Variants in PKD1 observed in about 807,000 individuals in gnomAD.
PKD1 encodes the protein polycystin 1, transient receptor potential channel interacting, also known as polycystin-1.
A neutral mutation model predicts 361.7 loss-of-function variants in PKD1; 81 were observed. The observed-to-expected ratio is 0.22, with a 90% CI of 0.19 to 0.27. The LOEUF (loss-of-function observed/expected upper bound fraction) is 0.27. Ranked by LOEUF, PKD1 falls within the 10% of genes least tolerant of loss-of-function variation. PKD1 has a pLI of 1.00. For missense variants in PKD1, 6,399 were observed against 6,118.3 expected, an observed-to-expected ratio of 1.05 and a Z score of -1.53; for synonymous variants, 3,615 against 2,818.3, an observed-to-expected ratio of 1.28 and a Z score of -8.95.
rs763834774 is a variant in PKD1, at chr16:2,118,022, G to A, written c.970C>T (p.Arg324Cys). The part of the protein sequence containing the change: ...VDAAGPAASH[R>C]YVLPGRYHVT... Reference sequence around the variant, plus strand: ...TGATAGCGCCCAGGCAGCACATAGCGATGCGAGGCAGCCGGCCCAGCGGCA... The same window carrying A: ...TGATAGCGCCCAGGCAGCACATAGCAATGCGAGGCAGCCGGCCCAGCGGCA... Residue 324 changes from arginine to cysteine, a missense_variant, in exon 5 of 46, where the codon CGC becomes TGC. Physicochemically the swap from Arg to Cys is radical, Grantham distance 180 (BLOSUM62 -3). Transcript: ENST00000262304. The surrounding 1 kb of genome is among the most constrained non-coding windows in gnomAD (Gnocchi z 6.0). The A allele has an allele frequency of 1.6e-5, 25 of 1,596,514 alleles. No homozygotes were observed. The highest frequency in any genetic ancestry group is 4.4e-5 in the South Asian group (4 of 90,736).
rs1010371265 is a variant in PKD1 at position 2,105,723 on chromosome 16, G to A, written c.7863+142C>T. On this transcript the variant is annotated intron_variant, in intron 20 of 45. Transcript: ENST00000262304. ...GTGGGTGTGGCTGCTGGGAGCGGAA[G>A]GTCGGGGTGCTGCTTCAGGGTCACT... is the stretch of plus-strand genomic sequence containing the variant. The A allele has an allele frequency of 1.2e-4, 159 of 1,286,590 alleles. 1 individual carries two copies. The highest frequency in any genetic ancestry group is 1.6e-4 in the Non-Finnish European group (148 of 919,952). The allele number at this position is 1,286,590 out of a possible 1,614,324, so 79.7% of individuals were successfully genotyped here.
At position 2,090,437 on chromosome 16, in the gene PKD1, C is replaced by T. The variant is rs1346816281; in HGVS notation, c.12292G>A (p.Ala4098Thr). Residue 4098 changes from alanine (A) to threonine (T), a missense_variant, in exon 45 of 46, where the codon GCC becomes ACC. Transcript: ENST00000262304. ...VGLWALRLWG[A>T]LRLGAVILRW... Reference sequence around the variant, plus strand: ...AGAATAACAGCCCCCAGCCGTAGGGCGCCCCACAGCCGCAGTGCCCAGAGC... The same window carrying T: ...AGAATAACAGCCCCCAGCCGTAGGGTGCCCCACAGCCGCAGTGCCCAGAGC... 65 of 1,612,396 alleles carry T rather than the reference C, an allele frequency of 4.0e-5. No individual in the cohort carries two copies. The highest frequency in any genetic ancestry group is 5.3e-5 in the Non-Finnish European group (63 of 1,179,872).
intron 24 of PKD1, 61 bp downstream of exon 24, chr16:2,102,753 C>G: frequency 3.1e-6 from 5 of 1,605,294 alleles, no homozygotes; most frequent in Non-Finnish European, 3.4e-6. Flanking sequence ...GGCCAGTAAC[C>G]CAGGCAATGC....
chr16:2,100,066 C>T lies in PKD1; in HGVS notation c.9718G>A (p.Ala3240Thr), dbSNP rs143312683. ...VEKEVLAASD[A>T]ALLRFRRLLV... Reference sequence around the variant, plus strand: ...AGGCGCCGGAAGCGCAAAAGGGCTGCGTCGCCTAGAAGGCAGGGAGGGCCG... The same window carrying T: ...AGGCGCCGGAAGCGCAAAAGGGCTGTGTCGCCTAGAAGGCAGGGAGGGCCG... Residue 3240 changes from alanine to threonine, a missense_variant, in exon 29 of 46, where the codon GCA becomes ACA. Coordinates refer to ENST00000262304, the MANE Select transcript of PKD1 (RefSeq NM_001009944.3). This position sits in a 1 kb window ranked among gnomAD's most constrained non-coding sequence, Gnocchi z 4.4. 5.1e-4 allele frequency: 815 copies of T among 1,599,862 alleles called. No homozygotes were observed. Among genetic ancestry groups the T allele is most frequent in the Non-Finnish European group, 6.3e-4 (740 of 1,174,730 alleles).
rs745724198 is a variant in PKD1, at chr16:2,094,074, G to C, written c.10618+18C>G. ...CACAGGGAGGGGCTAGGGGCATCCC[G>C]GGGCTACGCAAGCACACCTGTCCTG... On this transcript the variant is annotated intron_variant, in intron 35 of 45. Transcript: ENST00000262304. 4 of 1,583,322 alleles carry C rather than the reference G, an allele frequency of 2.5e-6. No individual in the cohort carries two copies. Among genetic ancestry groups the C allele is most frequent in the Non-Finnish European group, 1.7e-6 (2 of 1,160,992 alleles).
At chr16:2,097,534 G>A (rs1174858763) in intron 32 of PKD1, 31 bp from the exon 33 acceptor site, 23 of 1,602,446 alleles carry the variant, frequency 1.4e-5, no homozygotes, top group African/African-American at 2.7e-5. Context: ...CAAGGTACCA[G>A]GGGATGTGTC....
At position 2,092,471 on chromosome 16, in the gene PKD1, C is replaced by T. The variant is rs753562221; in HGVS notation, c.11269+9G>A. 3 of 1,570,288 alleles carry T rather than the reference C, an allele frequency of 1.9e-6. No individual in the cohort carries two copies. In the African/African-American group the frequency reaches 4.0e-5, roughly 21 times the overall value. ...GATTTAAGTCTTGGGGCACGCCCTG[C>T]CAGCTCACCTTCCTGCAGCCGCACC... On this transcript the variant is annotated intron_variant, in intron 39 of 45. Transcript: ENST00000262304.
chr16:2,109,909 G>A lies in PKD1; in HGVS notation c.5258C>T (p.Ser1753Phe), dbSNP rs773466574. ...CTCCCAGCTCAGCCCCTCCTCCAAG[G>A]ACCAAGTGTATACGACACCACTGCC... is the stretch of plus-strand genomic sequence containing the variant. ...AGGSGVVYTW[S>F]LEEGLSWETS... The change falls in exon 15 of 46, where the codon TCC becomes TTC. Residue 1753 changes from serine (S) to phenylalanine (F), a missense_variant. By Grantham distance (155) the Ser-to-Phe change is radical. Transcript: ENST00000262304. 4 of 1,610,414 alleles carry A rather than the reference G, an allele frequency of 2.5e-6. No individual in the cohort carries two copies. The highest frequency in any genetic ancestry group is 2.2e-5 in the South Asian group (2 of 90,984).
chr16:2,113,849 C>T (rs1308648300), intron 11 of PKD1: 2 of 464,926 alleles, frequency 4.3e-6, no homozygotes, highest in Non-Finnish European at 7.9e-6. Context: ...AAGCCACTCG[C>T]TTTAGCCAGG....
In PKD1 at chr16:2,109,119, G is replaced by C. The variant is rs767363184; in HGVS notation, c.6048C>G (p.Asp2016Glu). 66 of 1,602,858 alleles carry C rather than the reference G, an allele frequency of 4.1e-5. No individual in the cohort carries two copies. The Middle Eastern group carries it at 1.1e-3, about 26-fold the overall frequency. ...WYFSLQKVQG[D>E]SLVILSGRDV... ...CGCGGCCCGACAGGATGACCAGCGAGTCGCCCTGGACCTTCTGCAGCGAGA... is the reference window on the plus strand; with the variant it reads ...CGCGGCCCGACAGGATGACCAGCGACTCGCCCTGGACCTTCTGCAGCGAGA... The change falls in exon 15 of 46, where the codon GAC becomes GAG. Residue 2016 changes from aspartate (D) to glutamate (E), a missense_variant. Transcript: ENST00000262304.
intron 13 of PKD1, 33 bp from the exon 14 acceptor site, chr16:2,112,506 G>A (rs759273611): frequency 3.3e-5 from 52 of 1,578,446 alleles, no homozygotes; most frequent in Non-Finnish European, 3.8e-5. Context: ...TGAGTGAACC[G>A]GGACAGGGGT....
intron 1 of PKD1, among the ~76,000 whole-genome samples, chr16:2,120,916 C>T (rs1411767453): frequency 6.6e-6 from 1 of 151,932 alleles, no homozygotes; most frequent in Non-Finnish European, 1.5e-5. Context: ...ACTCAGGAGG[C>T]TGAGGCAGGA....
intron 14 of PKD1, 154 bp downstream of exon 14, chr16:2,112,186 C>G: frequency 1.3e-6 from 1 of 750,058 alleles, no homozygotes; most frequent in South Asian, 1.5e-5. Flanking sequence ...CGCCTGGCCC[C>G]TCCCTCACCC....
At chr16:2,130,635 GCCC>G (rs953618611) in intron 1 of PKD1, among the ~76,000 whole-genome samples, 8 of 152,318 alleles carry the variant, frequency 5.3e-5, no homozygotes, top group African/African-American at 1.7e-4. Flanking sequence ...GGCCTGGCCA[GCCC>G]CCCAAGGAAG....
chr16:2,134,284 A>G (rs2151856063), intron 1 of PKD1, among the ~76,000 whole-genome samples: 1 of 120,922 alleles, frequency 8.3e-6, no homozygotes, highest in Non-Finnish European at 1.7e-5. Context: ...CCACCCAGCA[A>G]AGCCCCAAGG....
rs772143717 is a variant in PKD1 at position 2,110,145 on chromosome 16, C to T, written c.5022G>A (p.Pro1674=). 16 of 1,609,730 alleles carry T rather than the reference C, an allele frequency of 9.9e-6. No individual in the cohort carries two copies. In the African/African-American group the frequency reaches 1.1e-4, roughly 11 times the overall value. Residue 1674 remains proline (P), a synonymous_variant, in exon 15 of 46, where the codon CCG becomes CCA. Coordinates refer to ENST00000262304, the MANE Select transcript of PKD1 (RefSeq NM_001009944.3). ...AGCCTTTGCCGCTGCCGGCCAGGGC[C>T]GGGCCCCTGTCCCTCCAGGCAGTCC... ...YSWTAWRDRG[P]ALAGSGKGFS...
In PKD1 at chr16:2,100,238, G is replaced by A. The variant is rs12102740; in HGVS notation, c.9640C>T (p.Leu3214=). Residue 3214 remains leucine, a synonymous_variant, in exon 28 of 46, where the codon CTG becomes TTG. Transcript: ENST00000262304. The surrounding 1 kb of genome is among the most constrained non-coding windows in gnomAD (Gnocchi z 4.4). ...DLQTARSAFF[L]VNDWLSVETE... ...TCCACCGAAAGCCAGTCATTGACCA[G>A]GAAGAAGGCGCTGCGTGCCGTCTGC... is the stretch of plus-strand genomic sequence containing the variant. 1.3e-4 allele frequency: 203 copies of A among 1,610,612 alleles called. No individual in the cohort carries two copies. In the African/African-American group the frequency reaches 2.3e-3, roughly 19 times the overall value.
intron 34 of PKD1, among the ~76,000 whole-genome samples, chr16:2,096,202 A>T (rs1596496557): frequency 6.6e-6 from 1 of 152,246 alleles, no homozygotes. Context: ...GGGCGTAGTT[A>T]CCCAAACCCA....
At position 2,114,601 on chromosome 16, in the gene PKD1, T is replaced by C; in HGVS notation, c.2422A>G (p.Arg808Gly). 2.5e-6 allele frequency: 4 copies of C among 1,588,624 alleles called. No individual in the cohort carries two copies. The highest frequency in any genetic ancestry group is 1.1e-5 in the South Asian group (1 of 89,804). Residue 808 changes from arginine (R) to glycine (G), a missense_variant, in exon 11 of 46, where the codon AGG (arginine) becomes GGG (glycine). Coordinates refer to ENST00000262304, the MANE Select transcript of PKD1 (RefSeq NM_001009944.3). ...TCAAAGCTGCAGGAGAGGTTGTGCCTGGACACGCCATTGCCCACCTCTGCC... is the reference window on the plus strand; with the variant it reads ...TCAAAGCTGCAGGAGAGGTTGTGCCCGGACACGCCATTGCCCACCTCTGCC... ...VRAEVGNGVSRHNLSCSFDVV... is the reference protein window; with the variant it reads ...VRAEVGNGVSGHNLSCSFDVV...
Sources: gnomAD v4.1 joint callset for allele counts (sites outside exome capture counted in the v4.1 genomes callset) on GRCh38, gnomAD v4.1.1 for gene constraint, Gnocchi (gnomAD v3.1) non-coding constraint, MANE v1.5 for transcripts, NCBI Gene and HGNC (gene_info 2026-07-23, HGNC 2026-07-21) for gene names.